The following CLXN variants were observed in gnomAD, a reference collection of about 807,000 sequenced individuals.
CLXN encodes the protein calaxin, also known as EF-hand calcium binding domain 1.
the CLXN span, chr8:48,729,601 A>C: frequency 4.2e-6 from 4 of 954,868 alleles, no homozygotes; most frequent in Non-Finnish European, 3.0e-6. Context: ...GAGGAGCATA[A>C]TTTATGTGTT....
the CLXN span, among the ~76,000 whole-genome samples, chr8:48,722,992 T>G: frequency 6.6e-6 from 1 of 152,064 alleles, no homozygotes; most frequent in East Asian, 1.9e-4. Context: ...GGGCTGGGGA[T>G]AGCAGGGTGG....
the CLXN span, among the ~76,000 whole-genome samples, chr8:48,726,875 ATCTATCT>A: frequency 9.0e-4 from 89 of 98,592 alleles, no homozygotes; most frequent in African/African-American, 7.4e-3. Context: ...CTATCAATCT[ATCTATCT>A]ATCTATCTAT....
chr8:48,733,571 GA>G, the CLXN span, among the ~76,000 whole-genome samples: 1 of 152,100 alleles, frequency 6.6e-6, no homozygotes, highest in Non-Finnish European at 1.5e-5. Flanking sequence ...AACTTTAGGG[GA>G]AAGTTCTTCC....
At chr8:48,718,866 A>G in the CLXN span, among the ~76,000 whole-genome samples, 4 of 152,216 alleles carry the variant, frequency 2.6e-5, no homozygotes, top group East Asian at 7.7e-4. Flanking sequence ...ATCTCAGGTA[A>G]AAAAACCTAA....
At chr8:48,732,821 G>T in the CLXN span, among the ~76,000 whole-genome samples, 12 of 152,244 alleles carry the variant, frequency 7.9e-5, no homozygotes, top group Non-Finnish European at 1.6e-4. Context: ...AACATTTATG[G>T]ATATTGCACT....
chr8:48,722,932 C>A, the CLXN span, among the ~76,000 whole-genome samples: 1 of 151,940 alleles, frequency 6.6e-6, no homozygotes, highest in Non-Finnish European at 1.5e-5. Flanking sequence ...ATAAGAGGGA[C>A]CTAAAAGGGA....
At chr8:48,731,837 C>G in the CLXN span, among the ~76,000 whole-genome samples, 1 of 152,030 alleles carries the variant, frequency 6.6e-6, no homozygotes, top group Non-Finnish European at 1.5e-5. Flanking sequence ...AGAATGGTAA[C>G]TTTTTCTCAG....
the CLXN span, among the ~76,000 whole-genome samples, chr8:48,733,013 G>C: frequency 6.6e-6 from 1 of 152,088 alleles, no homozygotes; most frequent in Non-Finnish European, 1.5e-5. Flanking sequence ...AGTTACGGAG[G>C]TGGATGGTGG....
At chr8:48,723,823 G>GC in the CLXN span, 1 of 152,676 alleles carries the variant, frequency 6.5e-6, no homozygotes, top group Non-Finnish European at 1.5e-5. Context: ...GTGCACTCAG[G>GC]CAGTGGCAAG....
the CLXN span, chr8:48,724,401 G>T: frequency 1.2e-5 from 2 of 170,988 alleles, no homozygotes; most frequent in Non-Finnish European, 1.2e-5. Context: ...TTGACATGCA[G>T]AATATTTGTA....
chr8:48,732,233 T>C, the CLXN span, among the ~76,000 whole-genome samples: 1 of 152,196 alleles, frequency 6.6e-6, no homozygotes, highest in South Asian at 2.1e-4. Context: ...GGAAGGGTTA[T>C]TGCCTGGTCT....
At chr8:48,732,099 A>C in the CLXN span, among the ~76,000 whole-genome samples, 3 of 152,172 alleles carry the variant, frequency 2.0e-5, no homozygotes, top group Non-Finnish European at 4.4e-5. Context: ...GGAGGAAGGA[A>C]ATTTTTATTT....
chr8:48,727,034 T>TCCAC, the CLXN span, among the ~76,000 whole-genome samples: 1 of 135,698 alleles, frequency 7.4e-6, no homozygotes, highest in African/African-American at 3.2e-5. Context: ...CATCCATCCA[T>TCCAC]TCATCCATCC....
chr8:48,726,099 A>G, the CLXN span, among the ~76,000 whole-genome samples: 1 of 142,856 alleles, frequency 7.0e-6, no homozygotes, highest in Non-Finnish European at 1.5e-5. Context: ...CCACCCATCC[A>G]TCTACCCACC....
At chr8:48,723,105 T>C in the CLXN span, among the ~76,000 whole-genome samples, 1 of 152,210 alleles carries the variant, frequency 6.6e-6, no homozygotes, top group South Asian at 2.1e-4. Flanking sequence ...TAGTTAACAG[T>C]ATTATATATT....
At chr8:48,724,845 G>C in the CLXN span, 1 of 1,528,794 alleles carries the variant, frequency 6.5e-7, no homozygotes, top group South Asian at 1.2e-5. Flanking sequence ...TCCAAAAAAG[G>C]TAGAACACCA....
At chr8:48,711,973 A>G in the CLXN span, 1 of 152,238 alleles carries the variant, frequency 6.6e-6, no homozygotes, top group Non-Finnish European at 1.5e-5. Context: ...AGCGCTCATT[A>G]GATTTTCATA....
chr8:48,724,747 T>TATC, the CLXN span: 1 of 1,610,054 alleles, frequency 6.2e-7, no homozygotes, highest in Non-Finnish European at 8.5e-7. Flanking sequence ...GTTATTCACA[T>TATC]ATCATTGAAT....
chr8:48,723,274 T>G, the CLXN span: 1 of 152,200 alleles, frequency 6.6e-6, no homozygotes, highest in Non-Finnish European at 1.5e-5. Flanking sequence ...AGTTTTAAAT[T>G]ATCAATTTTC....
Sources: allele counts gnomAD v4.1 joint callset (sites outside exome capture counted in the v4.1 genomes callset), GRCh38; gene constraint gnomAD v4.1.1; transcripts MANE v1.5; gene names NCBI Gene and HGNC (gene_info 2026-07-23, HGNC 2026-07-21).